Variants in BRWD1 observed in about 807,000 individuals in gnomAD.
BRWD1 encodes bromodomain and WD repeat-containing protein 1.
A neutral mutation model predicts 251.2 loss-of-function variants in BRWD1; 82 were observed. The ratio of observed to expected loss-of-function variants is 0.33; its 90% CI spans 0.27 to 0.39. The LOEUF is 0.39. BRWD1 is among the 10% of genes least tolerant of loss of function. The pLI is 1.00. For synonymous variants in BRWD1, 918 were observed against 902.8 expected (o/e 1.02, Z -0.30); for missense variants, 2,233 against 2,711.6 (o/e 0.82, Z 3.92).
chr21:39,312,985 C>CGGGGGGCCGGGGGCCGGG (rs1181817855), intron 3 of BRWD1, 85 bp from the exon 4 acceptor site: 2 of 805,172 alleles, frequency 2.5e-6, no homozygotes, highest in African/African-American at 2.5e-5. Context: ...GGGCGGCGGG[C>CGGGGGGCCGGGGGCCGGG]GGCGGGCGGG....
chr21:39,206,310 T>C (rs759575164), intron 36 of BRWD1, 36 bp from the exon 37 acceptor site: 24 of 1,431,326 alleles, frequency 1.7e-5, no homozygotes, highest in Admixed American at 6.1e-5. Context: ...AATTACAAAA[T>C]AGCCTTAAAA....
chr21:39,298,004 C>T, intron 5 of BRWD1: 1 of 985,890 alleles, frequency 1.0e-6, no homozygotes, highest in African/African-American at 1.7e-5. Context: ...TTTCAAGCTG[C>T]TACCAAATTT....
Position 39,194,885 on chromosome 21 carries a change from A to C in BRWD1, c.*1374T>G. 1 of 1,529,420 alleles carries C rather than the reference A, an allele frequency of 6.5e-7. No individual in the cohort carries two copies. Among genetic ancestry groups the C allele is most frequent in the Non-Finnish European group, 8.7e-7 (1 of 1,142,868 alleles). The allele number at this position is 1,529,420 out of a possible 1,614,324, so 94.7% of individuals were successfully genotyped here. ...ATTTTGTCTGAAATCAAACACAATT[A>C]GGGCTAATAAATAACTTACAGGTGG... On this transcript the variant is annotated 3_prime_UTR_variant, in exon 41 of 41. Transcript: ENST00000342449.
At chr21:39,210,759 CCAAA>C (rs1453680440) in intron 35 of BRWD1, 23 bp downstream of exon 35, 1 of 1,575,128 alleles carries the variant, frequency 6.3e-7, no homozygotes, top group South Asian at 1.2e-5. Context: ...AAGAAAAGCC[CCAAA>C]CATTTAAACA....
In BRWD1 at chr21:39,278,726, T is replaced by C. The variant is rs879383179; in HGVS notation, c.1003+17A>G. 1.3e-6 allele frequency: 2 copies of C among 1,545,428 alleles called. No homozygotes were observed. The highest frequency in any genetic ancestry group is 1.2e-5 in the South Asian group (1 of 80,468). ...TAAAAAAAAAAAACTAAGAAAAAAATGTGAAGAAGTTCTTACCAACACTAA... is the reference window on the plus strand; with the variant it reads ...TAAAAAAAAAAAACTAAGAAAAAAACGTGAAGAAGTTCTTACCAACACTAA... On this transcript the variant is annotated intron_variant, in intron 10 of 40. Transcript: ENST00000342449.
chr21:39,278,509 C>G (rs2035348928), intron 10 of BRWD1: 2 of 468,566 alleles, frequency 4.3e-6, no homozygotes, highest in Non-Finnish European at 7.6e-6. Context: ...CACCTCAAGC[C>G]TCCCTTTTAC....
chr21:39,293,859 G>A lies in BRWD1; in HGVS notation c.783C>T (p.Ala261=), dbSNP rs1208981431. The part of the protein sequence containing the change: ...IIRVWCLRTC[A]PVAVLQGHTG... ...TGTGTCCTTGGAGCACAGCAACTGG[G>A]GCACAAGTTCTCAAGCACCACACTC... The change falls in exon 8 of 41, where the codon GCC becomes GCT. Residue 261 remains alanine (A), a synonymous_variant. Transcript: ENST00000342449. 6.2e-7 allele frequency: 1 copy of A among 1,614,100 alleles called. No homozygotes were observed. The highest frequency in any genetic ancestry group is 8.5e-7 in the Non-Finnish European group (1 of 1,180,018).
At chr21:39,265,660 G>A (rs2034895943) in intron 15 of BRWD1, among the ~76,000 whole-genome samples, 1 of 152,094 alleles carries the variant, frequency 6.6e-6, no homozygotes, top group South Asian at 2.1e-4. Context: ...ATAATAAAAG[G>A]ATAATAAGCT....
Position 39,185,520 on chromosome 21 carries a change from T to C in BRWD1, c.*10739A>G, listed in dbSNP as rs1376883869. 1 of 145,320 alleles carries C rather than the reference T, an allele frequency of 6.9e-6. No homozygotes were observed. Among genetic ancestry groups the C allele is most frequent in the African/African-American group, 2.5e-5 (1 of 39,502 alleles). 9.0% of individuals were successfully genotyped at this position (145,320 alleles called of 1,614,324 possible). Reference sequence around the variant, plus strand: ...AGTTTATTAGGAATTCTTCCCTTTCTCACCTGTGTATCAACATATTGGGGA... The same window carrying C: ...AGTTTATTAGGAATTCTTCCCTTTCCCACCTGTGTATCAACATATTGGGGA... On this transcript the variant is annotated 3_prime_UTR_variant, in exon 41 of 41. Transcript: ENST00000342449.
At chr21:39,199,948 C>T (rs1009367157) in intron 39 of BRWD1, among the ~76,000 whole-genome samples, 15 of 152,118 alleles carry the variant, frequency 9.9e-5, no homozygotes, top group African/African-American at 3.4e-4. Flanking sequence ...GACAAGGCTT[C>T]GCCATGGTGG....
chr21:39,225,106 A>G lies in BRWD1; in HGVS notation c.3300T>C (p.His1100=). 8 of 1,607,854 alleles carry G rather than the reference A, an allele frequency of 5.0e-6. No homozygotes were observed. Among genetic ancestry groups the G allele is most frequent in the Non-Finnish European group, 6.8e-6 (8 of 1,174,420 alleles). The change falls in exon 28 of 41, where the codon CAT becomes CAC. Residue 1100 remains histidine (H), a synonymous_variant. Coordinates refer to ENST00000342449, the MANE Select transcript of BRWD1 (RefSeq NM_033656.4). ...EPYQPQYPDS[H]FQCYIVRWDN... is the part of the protein sequence containing the mutation. The stretch of plus-strand genomic sequence containing the variant: ...CAAACCTAACAATATAACACTGGAA[A>G]TGACTATCAGGATACTGTGGTTGAT...
rs890094762 is a variant in BRWD1 at position 39,219,676 on chromosome 21, C to A, written c.3383-1016G>T. 8 of 152,190 alleles carry A rather than the reference C, an allele frequency of 5.3e-5. 1 individual carries two copies. The allele number at this position is 152,190 out of a possible 1,614,324, so 9.4% of individuals were successfully genotyped here. ...CCATTAAGATTCCTGCAAACATACACACAAGTTTTATATAGAGCATTCTTT... is the reference window on the plus strand; with the variant it reads ...CCATTAAGATTCCTGCAAACATACAAACAAGTTTTATATAGAGCATTCTTT... On this transcript the variant is annotated intron_variant, in intron 29 of 40. Transcript: ENST00000342449.
chr21:39,285,702 T>C (rs1229796361), intron 8 of BRWD1, among the ~76,000 whole-genome samples: 4 of 151,886 alleles, frequency 2.6e-5, no homozygotes, highest in Middle Eastern at 3.2e-3. Flanking sequence ...GCAGGAGGAC[T>C]GCTCGAGCCT....
At chr21:39,222,911 C>T (rs1291641326) in intron 29 of BRWD1, among the ~76,000 whole-genome samples, 1 of 151,638 alleles carries the variant, frequency 6.6e-6, no homozygotes, top group African/African-American at 2.4e-5. Context: ...AATAATTGCA[C>T]TGAGAAAGAC....
chr21:39,277,855 C>T (rs1243773688), intron 10 of BRWD1, among the ~76,000 whole-genome samples: 1 of 152,050 alleles, frequency 6.6e-6, no homozygotes, highest in Non-Finnish European at 1.5e-5. Context: ...CGTGAGCCAG[C>T]TGGTGGGGCG....
chr21:39,291,100 G>A (rs1010068556), intron 8 of BRWD1, among the ~76,000 whole-genome samples: 1 of 151,782 alleles, frequency 6.6e-6, no homozygotes, highest in African/African-American at 2.4e-5. Flanking sequence ...ACTCCGCCTG[G>A]GCCAAAAACA....
At position 39,213,461 on chromosome 21, in the gene BRWD1, A is replaced by G. The variant is rs745547999; in HGVS notation, c.3858+20T>C. 6.9e-6 allele frequency: 11 copies of G among 1,596,668 alleles called. No individual in the cohort carries two copies. In the African/African-American group the frequency reaches 1.2e-4, roughly 18 times the overall value. On this transcript the variant is annotated intron_variant, in intron 33 of 40. Coordinates refer to ENST00000342449, the MANE Select transcript of BRWD1 (RefSeq NM_033656.4). ...ATTTGAAATTAACAAAAACCATTATAAAATCAACAAACTTCATACCAAATC... is the reference window on the plus strand; with the variant it reads ...ATTTGAAATTAACAAAAACCATTATGAAATCAACAAACTTCATACCAAATC...
At position 39,188,575 on chromosome 21, in the gene BRWD1, C is replaced by CTGAA. The variant is rs2031376579; in HGVS notation, c.*7680_*7683dup. 2.1e-5 allele frequency: 21 copies of CTGAA among 985,408 alleles called. No homozygotes were observed. In the South Asian group the frequency reaches 8.9e-4, roughly 42 times the overall value. The allele number at this position is 985,408 out of a possible 1,614,324, so 61.0% of individuals were successfully genotyped here. ...GTTTGCCCTTCTGTCACAAAGCTGA[C>CTGAA]TGAAGGGCAGATGAGTACAGGTAAA... On this transcript the variant is annotated 3_prime_UTR_variant, in exon 41 of 41. Coordinates refer to ENST00000342449, the MANE Select transcript of BRWD1 (RefSeq NM_033656.4).
intron 12 of BRWD1, among the ~76,000 whole-genome samples, chr21:39,275,581 G>A (rs1016815082): frequency 2.0e-5 from 3 of 152,048 alleles, no homozygotes; most frequent in African/African-American, 4.8e-5. Flanking sequence ...CAAAATTTCT[G>A]AGTAGATTTC....
Sources: allele counts gnomAD v4.1 joint callset (sites outside exome capture counted in the v4.1 genomes callset), GRCh38; gene constraint gnomAD v4.1.1; transcripts MANE v1.5; gene names NCBI Gene and HGNC (gene_info 2026-07-23, HGNC 2026-07-21).